Variants in CTIF observed in about 807,000 individuals in gnomAD.
The protein encoded by CTIF is cap binding complex dependent translation initiation factor, also known as CBP80/20-dependent translation initiation factor.
In CTIF, 21 loss-of-function variants were observed where a neutral mutation model predicts 66.0. That is an observed-to-expected ratio of 0.32 (90% CI 0.23 to 0.46). CTIF has a LOEUF of 0.46. Ranked by LOEUF, CTIF falls within the 20% of genes least tolerant of loss-of-function variation. CTIF has a pLI of 1.00. For synonymous variants in CTIF, 345 were observed against 326.4 expected, an observed-to-expected ratio of 1.06 and a Z score of -0.62; for missense variants, 739 against 812.7, an observed-to-expected ratio of 0.91 and a Z score of 1.10.
intron 7 of CTIF, among the ~76,000 whole-genome samples, chr18:48,736,713 C>T (rs1260993563): frequency 6.6e-6 from 1 of 152,220 alleles, no homozygotes; most frequent in Non-Finnish European, 1.5e-5. Context: ...GTTTCTGGAC[C>T]TGCCGCGCCA....
intron 7 of CTIF, among the ~76,000 whole-genome samples, chr18:48,713,447 C>T (rs1008816932): frequency 6.6e-5 from 10 of 152,096 alleles, no homozygotes; most frequent in African/African-American, 1.4e-4. Flanking sequence ...GGCAGGCCTC[C>T]GGAAAGCAGC....
chr18:48,839,241 T>C (rs1348610055), intron 10 of CTIF, among the ~76,000 whole-genome samples: 1 of 152,068 alleles, frequency 6.6e-6, no homozygotes, highest in Non-Finnish European at 1.5e-5. Flanking sequence ...CTCTGAGCAC[T>C]CCTGACTCAC....
chr18:48,807,306 C>A (rs1264983201), intron 9 of CTIF, among the ~76,000 whole-genome samples: 1 of 152,132 alleles, frequency 6.6e-6, no homozygotes, highest in East Asian at 1.9e-4. Context: ...CTGCCAGTTT[C>A]TTTTAAAATA....
At chr18:48,776,013 C>T (rs185327930) in intron 9 of CTIF, among the ~76,000 whole-genome samples, 1 of 152,256 alleles carries the variant, frequency 6.6e-6, no homozygotes, top group African/African-American at 2.4e-5. Context: ...ACTAAAACTT[C>T]TACCTCAAGA....
intron 9 of CTIF, among the ~76,000 whole-genome samples, chr18:48,810,053 T>C (rs1297369594): frequency 6.6e-6 from 1 of 152,104 alleles, no homozygotes; most frequent in African/African-American, 2.4e-5. Context: ...GGTAGAAGTA[T>C]AATGTGATCT....
At chr18:48,824,786 G>A (rs1405780757) in intron 10 of CTIF, among the ~76,000 whole-genome samples, 2 of 152,050 alleles carry the variant, frequency 1.3e-5, no homozygotes, top group Admixed American at 1.3e-4. Context: ...GATTACAGAC[G>A]TCCGCCACCA....
At chr18:48,706,267 T>A (rs1345713936) in intron 6 of CTIF, among the ~76,000 whole-genome samples, 1 of 152,208 alleles carries the variant, frequency 6.6e-6, no homozygotes, top group Non-Finnish European at 1.5e-5. Context: ...ATATTGCCTT[T>A]CTATTTCAGT....
chr18:48,713,800 C>G (rs2092252906), intron 7 of CTIF, among the ~76,000 whole-genome samples: 1 of 152,184 alleles, frequency 6.6e-6, no homozygotes, highest in African/African-American at 2.4e-5. Flanking sequence ...GATGGAAGAA[C>G]AGAGTTTTCA....
At chr18:48,763,448 C>T (rs1598997803) in intron 9 of CTIF, among the ~76,000 whole-genome samples, 1 of 152,250 alleles carries the variant, frequency 6.6e-6, no homozygotes, top group East Asian at 1.9e-4. Context: ...CTGCACTCAC[C>T]TCTCAATCAA....
chr18:48,842,167 A>C (rs988763039), intron 10 of CTIF, among the ~76,000 whole-genome samples: 5 of 152,180 alleles, frequency 3.3e-5, no homozygotes, highest in South Asian at 2.1e-4. Context: ...CAGTCAACTG[A>C]AACGTCTCTT....
intron 1 of CTIF, among the ~76,000 whole-genome samples, chr18:48,604,634 C>A (rs2090170710): frequency 1.3e-5 from 2 of 152,108 alleles, no homozygotes; most frequent in African/African-American, 2.4e-5. Flanking sequence ...TTTTTAACAG[C>A]TTTATTCAGA....
chr18:48,691,504 C>T (rs755733599), intron 6 of CTIF, among the ~76,000 whole-genome samples: 13 of 150,256 alleles, frequency 8.7e-5, no homozygotes, highest in Non-Finnish European at 1.9e-4. Flanking sequence ...GTTCCAGATT[C>T]GAGGCCTCCC....
intron 10 of CTIF, among the ~76,000 whole-genome samples, chr18:48,854,233 G>C (rs1393983501): frequency 6.6e-6 from 1 of 152,116 alleles, no homozygotes; most frequent in Non-Finnish European, 1.5e-5. Flanking sequence ...CTGGGAGTGA[G>C]AAGCAGGGAG....
chr18:48,580,611 C>T (rs2089632943), intron 1 of CTIF, among the ~76,000 whole-genome samples: 1 of 152,222 alleles, frequency 6.6e-6, no homozygotes, highest in South Asian at 2.1e-4. Context: ...CACACTACTA[C>T]TTAGAAAGTG....
intron 1 of CTIF, among the ~76,000 whole-genome samples, chr18:48,587,263 G>T (rs922635316): frequency 1.3e-5 from 2 of 151,950 alleles, no homozygotes; most frequent in African/African-American, 2.4e-5. Flanking sequence ...TGTATTTTTA[G>T]TAGAGATGGG....
chr18:48,568,633 T>TAAAAAAAAAAAAAAAAAAAAAAAAAA lies in CTIF; in HGVS notation c.-29+29331_-29+29356dup, dbSNP rs58084631. The stretch of plus-strand genomic sequence containing the variant: ...GAAATACCTGAGACTGGGCAATTTG[T>TAAAAAAAAAAAAAAAAAAAAAAAAAA]AAAAAAAAAAAAAAAAAAAAAAAAA... On this transcript the variant is annotated intron_variant, in intron 1 of 11. Transcript: ENST00000256413. Among the ~76,000 whole-genome samples, 19 of 36,644 alleles carry TAAAAAAAAAAAAAAAAAAAAAAAAAA rather than the reference T, an allele frequency of 5.2e-4. 5 individuals are homozygous for TAAAAAAAAAAAAAAAAAAAAAAAAAA. The South Asian group carries it at 6.6e-3, about 13-fold the overall frequency. The allele number at this position is 36,644 out of a possible 152,430, so 24.0% of individuals were successfully genotyped here.
At chr18:48,824,339 C>G (rs2146386273) in intron 10 of CTIF, among the ~76,000 whole-genome samples, 1 of 151,078 alleles carries the variant, frequency 6.6e-6, no homozygotes. Flanking sequence ...GCTGCACACA[C>G]AGGAGGGGTG....
intron 3 of CTIF, chr18:48,662,715 T>C (rs1265811436): frequency 6.6e-6 from 1 of 152,078 alleles, no homozygotes; most frequent in East Asian, 1.9e-4. Context: ...ATCTGAGTTC[T>C]TTCACTATAC....
intron 3 of CTIF, among the ~76,000 whole-genome samples, chr18:48,640,779 A>C: frequency 6.6e-6 from 1 of 152,226 alleles, no homozygotes; most frequent in East Asian, 1.9e-4. Flanking sequence ...TTAGTCATAC[A>C]CTGGGATGAT....
Sources: gnomAD v4.1 joint callset for allele counts (sites outside exome capture counted in the v4.1 genomes callset) on GRCh38, gnomAD v4.1.1 for gene constraint, MANE v1.5 for transcripts, NCBI Gene and HGNC (gene_info 2026-07-23, HGNC 2026-07-21) for gene names.